The following RANBP2 variants were observed in gnomAD, a reference collection of about 807,000 sequenced individuals.
RANBP2 encodes the protein RAN binding protein 2.
A neutral mutation model predicts 303.6 loss-of-function variants in RANBP2; 57 were observed. The ratio of observed to expected loss-of-function variants is 0.19; its 90% CI spans 0.15 to 0.23. RANBP2 has a LOEUF of 0.23. Among genes scored for constraint, RANBP2 ranks in the 10% least tolerant of loss-of-function variants. The probability of loss-of-function intolerance (pLI) is 1.00; values close to 1 mark genes in which losing one functional copy is unlikely to be tolerated. For missense variants in RANBP2, 3,138 were observed against 3,780.8 expected (o/e 0.83, Z 4.46); for synonymous variants, 1,167 against 1,301.5 (o/e 0.90, Z 2.23).
the RANBP2 span, among the ~76,000 whole-genome samples, chr2:108,988,560 G>T: frequency 6.6e-6 from 1 of 152,142 alleles, no homozygotes; most frequent in African/African-American, 2.4e-5. Context: ...TTGGAGGCAG[G>T]TACAGAGCCC....
At chr2:109,034,406 G>A in the RANBP2 span, among the ~76,000 whole-genome samples, 1 of 152,020 alleles carries the variant, frequency 6.6e-6, no homozygotes, top group African/African-American at 2.4e-5. Flanking sequence ...CCATGCCCCA[G>A]AGGAAGAGAC....
At chr2:109,230,301 C>G in the RANBP2 span, among the ~76,000 whole-genome samples, 1 of 152,132 alleles carries the variant, frequency 6.6e-6, no homozygotes, top group Non-Finnish European at 1.5e-5. Flanking sequence ...CCTGGCCAGG[C>G]ATAGTGCCTC....
chr2:109,270,607 C>T, the RANBP2 span, among the ~76,000 whole-genome samples: 3 of 152,114 alleles, frequency 2.0e-5, no homozygotes, highest in Admixed American at 6.5e-5. Context: ...CAGGAGGCCA[C>T]GGGTGCAGGG....
the RANBP2 span, among the ~76,000 whole-genome samples, chr2:109,126,214 A>G: frequency 6.6e-6 from 1 of 152,062 alleles, no homozygotes; most frequent in African/African-American, 2.4e-5. Context: ...ATCTGGGTGC[A>G]TAGTCTGTGT....
At chr2:108,789,038 G>A, downstream of RANBP2, 1 of 1,544,516 alleles carries the variant, frequency 6.5e-7, no homozygotes, top group Non-Finnish European at 8.9e-7. Flanking sequence ...GAAAAGGGCA[G>A]GTTATATTTT....
At chr2:109,523,142 G>C in the RANBP2 span, among the ~76,000 whole-genome samples, 806 of 152,232 alleles carry the variant, frequency 5.3e-3, 7 homozygotes, top group African/African-American at 0.018. Flanking sequence ...CTGATGGCAG[G>C]CTCCTTCCAC....
At chr2:108,786,649 G>C, downstream of RANBP2, 1 of 627,626 alleles carries the variant, frequency 1.6e-6, no homozygotes, top group East Asian at 3.0e-5. Context: ...AAACTTGGAG[G>C]ACGCGCTGAC....
the RANBP2 span, among the ~76,000 whole-genome samples, chr2:109,579,303 C>A: frequency 0.13 from 20,465 of 151,870 alleles, 1,856 homozygotes; most frequent in African/African-American, 0.26. Flanking sequence ...TAGAAAACCC[C>A]AGGCACTGAT....
the RANBP2 span, among the ~76,000 whole-genome samples, chr2:109,465,051 A>G: frequency 7.9e-5 from 12 of 152,224 alleles, no homozygotes; most frequent in Admixed American, 6.5e-5. Flanking sequence ...AGATTGTTAT[A>G]CAATTGGAAT....
At chr2:109,526,580 C>G in the RANBP2 span, among the ~76,000 whole-genome samples, 7,129 of 152,178 alleles carry the variant, frequency 0.047, 566 homozygotes, top group African/African-American at 0.16. Flanking sequence ...CCAAAGTGCT[C>G]GGATTACAGG....
chr2:109,636,935 G>A, the RANBP2 span, among the ~76,000 whole-genome samples: 2 of 140,410 alleles, frequency 1.4e-5, no homozygotes, highest in African/African-American at 5.1e-5. Context: ...AAAGTATAGA[G>A]AAACAACAGT....
At chr2:108,966,783 A>G in the RANBP2 span, among the ~76,000 whole-genome samples, 1 of 152,252 alleles carries the variant, frequency 6.6e-6, no homozygotes, top group East Asian at 1.9e-4. Context: ...GGAAGGGAGC[A>G]CAGTGGAGGG....
At chr2:109,426,079 A>G in the RANBP2 span, among the ~76,000 whole-genome samples, 1 of 151,902 alleles carries the variant, frequency 6.6e-6, no homozygotes, top group Non-Finnish European at 1.5e-5. Flanking sequence ...TGTATATTGT[A>G]TATTTTTTTA....
the RANBP2 span, among the ~76,000 whole-genome samples, chr2:108,850,324 A>T: frequency 2.0e-5 from 3 of 152,210 alleles, no homozygotes; most frequent in African/African-American, 7.2e-5. Flanking sequence ...GATGCATTGG[A>T]TACTACACAT....
the RANBP2 span, among the ~76,000 whole-genome samples, chr2:109,027,096 G>C: frequency 6.6e-6 from 1 of 152,130 alleles, no homozygotes. Context: ...ACAAAAATTA[G>C]TTGAGCGTGG....
chr2:109,471,206 CAAAAAAAAA>C, the RANBP2 span, among the ~76,000 whole-genome samples: 4 of 40,142 alleles, frequency 1.0e-4, no homozygotes, highest in Non-Finnish European at 2.0e-4. Flanking sequence ...GACTCTGTCT[CAAAAAAAAA>C]AAAAAAAAAA....
chr2:108,988,421 C>A, the RANBP2 span, among the ~76,000 whole-genome samples: 2 of 152,100 alleles, frequency 1.3e-5, no homozygotes, highest in Non-Finnish European at 2.9e-5. Context: ...CAAATAGGTA[C>A]CCACTCCCCT....
the RANBP2 span, among the ~76,000 whole-genome samples, chr2:109,097,364 T>G: frequency 4.0e-5 from 6 of 150,600 alleles, no homozygotes; most frequent in Non-Finnish European, 8.9e-5. Flanking sequence ...ACAAAACCTC[T>G]GATCCCTGAA....
the RANBP2 span, among the ~76,000 whole-genome samples, chr2:109,517,414 C>A: frequency 6.6e-6 from 1 of 152,186 alleles, no homozygotes; most frequent in Non-Finnish European, 1.5e-5. Flanking sequence ...CTGCTGGAAT[C>A]TTCCGGAAGC....
Sources: allele counts gnomAD v4.1 joint callset (sites outside exome capture counted in the v4.1 genomes callset), GRCh38; gene constraint gnomAD v4.1.1; transcripts MANE v1.5; gene names NCBI Gene and HGNC (gene_info 2026-07-23, HGNC 2026-07-21).